VPS41: variants seen among roughly 807,000 people sequenced by gnomAD.
VPS41 encodes VPS41 subunit of HOPS complex.
Under a neutral mutation model 130.9 loss-of-function variants are expected in VPS41, and 85 were observed. The ratio of observed to expected loss-of-function variants is 0.65; its 90% CI spans 0.55 to 0.78. The LOEUF (loss-of-function observed/expected upper bound fraction) is 0.78. VPS41 is among the 30% of genes least tolerant of loss of function. The probability of loss-of-function intolerance (pLI) is 0.00; values close to 1 mark genes in which losing one functional copy is unlikely to be tolerated. For missense variants in VPS41, 874 were observed against 1,018.7 expected, an observed-to-expected ratio of 0.86 and a Z score of 1.93; for synonymous variants, 335 against 332.9, an observed-to-expected ratio of 1.01 and a Z score of -0.07.
chr7:38,832,766 T>C (rs757694343), intron 4 of VPS41, among the ~76,000 whole-genome samples: 3 of 152,174 alleles, frequency 2.0e-5, no homozygotes, highest in Non-Finnish European at 4.4e-5. Context: ...CTGACTTCCA[T>C]ATCTCATGGT....
chr7:38,897,965 C>T, intron 2 of VPS41, 126 bp downstream of exon 2: 1 of 711,202 alleles, frequency 1.4e-6, no homozygotes, highest in Non-Finnish European at 2.4e-6. Flanking sequence ...TTCCCCAAGG[C>T]TTAGTTACCT....
intron 1 of VPS41, among the ~76,000 whole-genome samples, chr7:38,905,527 T>C (rs890777072): frequency 2.0e-5 from 3 of 152,242 alleles, no homozygotes; most frequent in Admixed American, 1.3e-4. Flanking sequence ...AAAGTGGTTT[T>C]AGTTTCAGAT....
At chr7:38,871,480 A>T (rs1284132644) in intron 2 of VPS41, among the ~76,000 whole-genome samples, 2 of 152,242 alleles carry the variant, frequency 1.3e-5, no homozygotes, top group African/African-American at 4.8e-5. Flanking sequence ...GAAAAAACAA[A>T]CAAACCCTAC....
intron 7 of VPS41, among the ~76,000 whole-genome samples, chr7:38,816,074 T>C (rs1785042674): frequency 6.6e-6 from 1 of 152,200 alleles, no homozygotes; most frequent in African/African-American, 2.4e-5. Context: ...TTAATGCTAC[T>C]CTTTCCTGAG....
At chr7:38,897,586 A>T (rs1787032446) in intron 2 of VPS41, among the ~76,000 whole-genome samples, 1 of 150,666 alleles carries the variant, frequency 6.6e-6, no homozygotes, top group Admixed American at 6.6e-5. Flanking sequence ...CGGAGCCTGC[A>T]GTGAGCCGAG....
intron 12 of VPS41, among the ~76,000 whole-genome samples, chr7:38,773,146 C>T (rs1784188742): frequency 6.6e-6 from 1 of 152,140 alleles, no homozygotes; most frequent in South Asian, 2.1e-4. Context: ...GTCAAGGCCA[C>T]CTAAGGCATA....
At chr7:38,765,320 C>T (rs925429956) in intron 16 of VPS41, among the ~76,000 whole-genome samples, 9 of 151,924 alleles carry the variant, frequency 5.9e-5, no homozygotes, top group Non-Finnish European at 1.2e-4. Context: ...TTAAAAAGAG[C>T]ATGAAAACTT....
At chr7:38,892,517 T>C (rs1280496924) in intron 2 of VPS41, among the ~76,000 whole-genome samples, 2 of 152,200 alleles carry the variant, frequency 1.3e-5, no homozygotes, top group Non-Finnish European at 2.9e-5. Flanking sequence ...CTTGTTCCAT[T>C]ACATCTTTGC....
At chr7:38,743,367 A>G (rs775022165) in intron 24 of VPS41, 35 bp downstream of exon 24, 4 of 1,612,556 alleles carry the variant, frequency 2.5e-6, no homozygotes, top group East Asian at 2.2e-5. Flanking sequence ...CTGAGAGAAA[A>G]AAAAGTTATA....
intron 28 of VPS41, 110 bp downstream of exon 28, chr7:38,726,799 A>AT (rs988276139): frequency 4.4e-4 from 407 of 922,946 alleles, no homozygotes; most frequent in South Asian, 8.1e-4. Flanking sequence ...CCACATTGTA[A>AT]TTTTTTTTTA....
intron 22 of VPS41, 105 bp from the exon 23 acceptor site, chr7:38,745,718 T>C: frequency 1.2e-6 from 1 of 868,180 alleles, no homozygotes; most frequent in Non-Finnish European, 1.9e-6. Context: ...CCACAGCTTC[T>C]TTAAAAATAA....
chr7:38,797,000 G>A, intron 7 of VPS41, 136 bp from the exon 8 acceptor site: 1 of 944,440 alleles, frequency 1.1e-6, no homozygotes, highest in South Asian at 1.6e-5. Flanking sequence ...TAGACTTACA[G>A]TAGTATGTTA....
At chr7:38,887,659 C>T (rs1204910067) in intron 2 of VPS41, among the ~76,000 whole-genome samples, 3 of 152,060 alleles carry the variant, frequency 2.0e-5, no homozygotes, top group East Asian at 1.9e-4. Context: ...CCAACATTCA[C>T]ATTCAGGAAA....
At chr7:38,729,053 A>G (rs184893817) in intron 25 of VPS41, among the ~76,000 whole-genome samples, 41 of 152,264 alleles carry the variant, frequency 2.7e-4, no homozygotes, top group Admixed American at 1.6e-3. Flanking sequence ...TTGTATAATC[A>G]AACATAAATT....
Position 38,776,795 on chromosome 7 carries a change from C to A in VPS41, c.785-19G>T, listed in dbSNP as rs1259179261. ...TGAGACACTGCAAACAAAAGGGATA[C>A]AGGAGTCATCATCAACAGGGGCAAA... On this transcript the variant is annotated intron_variant, in intron 10 of 28. Coordinates refer to ENST00000310301, the MANE Select transcript of VPS41 (RefSeq NM_014396.4). 6 of 1,442,752 alleles carry A rather than the reference C, an allele frequency of 4.2e-6. No homozygotes were observed. Among genetic ancestry groups the A allele is most frequent in the Non-Finnish European group, 5.8e-6 (6 of 1,025,644 alleles). 89.4% of individuals were successfully genotyped at this position (1,442,752 alleles called of 1,614,324 possible). A position where few individuals can be genotyped will look rare whatever the true frequency, so the allele number is the denominator to read the frequency against.
At chr7:38,835,151 T>C (rs1785468041) in intron 4 of VPS41, among the ~76,000 whole-genome samples, 1 of 151,996 alleles carries the variant, frequency 6.6e-6, no homozygotes, top group African/African-American at 2.4e-5. Flanking sequence ...GTGTTTCCTT[T>C]TTTTCTTTGA....
rs774873400 is a variant in VPS41, at chr7:38,743,482, T to C, written c.2042A>G (p.Asp681Gly). ...CTCCTTGGCAAATTCGATTGCTTTA[T>C]CAACATCATGTAATTCCTCCATAAT... ...KMIMEELHDV[D>G]KAIEFAKEQD... Residue 681 changes from aspartate (D) to glycine (G), a missense_variant, in exon 24 of 29, where the codon GAT becomes GGT. Asp to Gly is a moderately conservative substitution (Grantham distance 94). Coordinates refer to ENST00000310301, the MANE Select transcript of VPS41 (RefSeq NM_014396.4). 11 of 1,613,924 alleles carry C rather than the reference T, an allele frequency of 6.8e-6. No homozygotes were observed. The highest frequency in any genetic ancestry group is 9.3e-6 in the Non-Finnish European group (11 of 1,179,924).
At chr7:38,739,131 A>G (rs1795830395) in intron 25 of VPS41, among the ~76,000 whole-genome samples, 1 of 152,342 alleles carries the variant, frequency 6.6e-6, no homozygotes, top group Non-Finnish European at 1.5e-5. Context: ...CCCAATGCAT[A>G]CCAGCAAGAA....
chr7:38,749,833 T>C (rs1224893747), intron 22 of VPS41, among the ~76,000 whole-genome samples: 1 of 152,228 alleles, frequency 6.6e-6, no homozygotes, highest in East Asian at 1.9e-4. Flanking sequence ...GTTTCTAAGA[T>C]GACTGAGTAT....
Sources: gnomAD v4.1 joint callset for allele counts (sites outside exome capture counted in the v4.1 genomes callset) on GRCh38, gnomAD v4.1.1 for gene constraint, MANE v1.5 for transcripts, NCBI Gene and HGNC (gene_info 2026-07-23, HGNC 2026-07-21) for gene names.